Variants in SH3D19 observed in about 807,000 individuals in gnomAD.
SH3D19 encodes SH3 domain containing 19.
SH3D19 carries 58 observed loss-of-function variants against 112.1 expected under a neutral mutation model. The ratio of observed to expected loss-of-function variants is 0.52; its 90% CI spans 0.42 to 0.64. The LOEUF is 0.64. Among genes scored for constraint, SH3D19 ranks in the 30% least tolerant of loss-of-function variants. The pLI is 0.00. For missense variants in SH3D19, 1,090 were observed against 1,263.4 expected, an observed-to-expected ratio of 0.86 and a Z score of 2.08; for synonymous variants, 391 against 448.5, an observed-to-expected ratio of 0.87 and a Z score of 1.62.
intron 1 of SH3D19, among the ~76,000 whole-genome samples, chr4:151,246,540 C>T (rs1561397962): frequency 6.6e-6 from 1 of 152,092 alleles, no homozygotes; most frequent in African/African-American, 2.4e-5. Flanking sequence ...AAGCTATCTC[C>T]AGGAAATAGA....
At chr4:151,135,804 C>T (rs79788267) in intron 14 of SH3D19, among the ~76,000 whole-genome samples, 42 of 152,248 alleles carry the variant, frequency 2.8e-4, no homozygotes, top group African/African-American at 1.0e-3. Flanking sequence ...ATTAGCCCTG[C>T]CACACCTACT....
chr4:151,144,002 C>A lies in SH3D19; in HGVS notation c.2131G>T (p.Glu711Ter), dbSNP rs770843403. The A allele has an allele frequency of 6.2e-7, 1 of 1,614,102 alleles. No homozygotes were observed. Among genetic ancestry groups the A allele is most frequent in the Non-Finnish European group, 8.5e-7 (1 of 1,180,010 alleles). ...CCAGTGTCTTCTCCCTTTTGGCACTCCAAGTAATTATTTTCCGTCTGCTTC... is the reference window on the plus strand; with the variant it reads ...CCAGTGTCTTCTCCCTTTTGGCACTACAAGTAATTATTTTCCGTCTGCTTC... Reference protein sequence around the residue: ...MLKQTENNYLECQKGEDTGRV... With the variant: ...MLKQTENNYL The change falls in exon 12 of 20, where the codon GAG (glutamate) becomes TAG (stop). Residue 711 changes from glutamate (E) to a stop codon, truncating the protein, a stop_gained. Transcript: ENST00000604030. LOFTEE classifies it high-confidence loss of function.
intron 7 of SH3D19, 76 bp from the exon 8 acceptor site, chr4:151,165,772 G>C (rs776393993): frequency 1.5e-6 from 2 of 1,311,948 alleles, no homozygotes; most frequent in Non-Finnish European, 2.2e-6. Flanking sequence ...CATAATTTAA[G>C]AGTCATATTT....
intron 1 of SH3D19, among the ~76,000 whole-genome samples, chr4:151,301,524 G>A (rs1169623091): frequency 6.6e-6 from 1 of 152,118 alleles, no homozygotes; most frequent in African/African-American, 2.4e-5. Context: ...ACCGCGCCTG[G>A]CCAGAGATCT....
At chr4:151,296,025 G>C (rs965773305) in intron 1 of SH3D19, among the ~76,000 whole-genome samples, 5 of 118,406 alleles carry the variant, frequency 4.2e-5, no homozygotes, top group African/African-American at 1.4e-4. Context: ...ACAGAGCAAG[G>C]CTCCGTCTCA....
intron 4 of SH3D19, among the ~76,000 whole-genome samples, chr4:151,178,100 G>A (rs1760240785): frequency 6.6e-6 from 1 of 152,136 alleles, no homozygotes; most frequent in Admixed American, 6.6e-5. Flanking sequence ...TTTTTGTAGA[G>A]ACAAGGGCTC....
At chr4:151,155,249 C>A (rs901010308) in intron 9 of SH3D19, among the ~76,000 whole-genome samples, 2 of 152,184 alleles carry the variant, frequency 1.3e-5, no homozygotes, top group African/African-American at 4.8e-5. Context: ...TCCAGTTTAA[C>A]GTTAGTAAGG....
chr4:151,290,569 T>G (rs1328022223), intron 1 of SH3D19, among the ~76,000 whole-genome samples: 1 of 152,180 alleles, frequency 6.6e-6, no homozygotes, highest in Non-Finnish European at 1.5e-5. Flanking sequence ...CAAATGGGTA[T>G]GAGGTTTCTT....
chr4:151,253,879 G>C (rs903908909), intron 1 of SH3D19, among the ~76,000 whole-genome samples: 2 of 152,182 alleles, frequency 1.3e-5, no homozygotes, highest in East Asian at 3.8e-4. Flanking sequence ...TCTAGAAAAC[G>C]GTCCCTGGCG....
chr4:151,236,423 G>A (rs1770050061), intron 1 of SH3D19, among the ~76,000 whole-genome samples: 1 of 152,276 alleles, frequency 6.6e-6, no homozygotes, highest in Non-Finnish European at 1.5e-5. Flanking sequence ...CACCGCGAGG[G>A]CCATTGAGAG....
At chr4:151,240,314 G>A (rs1307330912) in intron 1 of SH3D19, among the ~76,000 whole-genome samples, 3 of 151,730 alleles carry the variant, frequency 2.0e-5, no homozygotes, top group African/African-American at 2.4e-5. Context: ...GGGAGGCTGA[G>A]GCAGGAGGAT....
At chr4:151,203,680 T>G (rs1764712440) in intron 2 of SH3D19, among the ~76,000 whole-genome samples, 1 of 152,240 alleles carries the variant, frequency 6.6e-6, no homozygotes, top group African/African-American at 2.4e-5. Flanking sequence ...AATAATAACT[T>G]TAATCCTAGT....
chr4:151,316,877 C>T (rs1463389473), intron 1 of SH3D19, among the ~76,000 whole-genome samples: 1 of 152,228 alleles, frequency 6.6e-6, no homozygotes, highest in Non-Finnish European at 1.5e-5. Flanking sequence ...GCTATCCAAG[C>T]TTCCTCCTCA....
At chr4:151,207,828 T>C (rs1258704972) in intron 2 of SH3D19, among the ~76,000 whole-genome samples, 1 of 152,166 alleles carries the variant, frequency 6.6e-6, no homozygotes, top group Non-Finnish European at 1.5e-5. Context: ...TTTAGGACAA[T>C]AATAATGCAA....
At chr4:151,144,177 T>C in intron 11 of SH3D19, 127 bp from the exon 12 acceptor site, 1 of 1,285,008 alleles carries the variant, frequency 7.8e-7, no homozygotes, top group Non-Finnish European at 1.1e-6. Context: ...AGGCCAGTAA[T>C]TTTTTTTTTA....
intron 1 of SH3D19, among the ~76,000 whole-genome samples, chr4:151,230,345 A>G (rs1233326830): frequency 6.6e-6 from 1 of 152,228 alleles, no homozygotes. Context: ...TGCTTTGATT[A>G]AAACTAAGAA....
At chr4:151,230,211 CT>C (rs1769503688) in intron 1 of SH3D19, among the ~76,000 whole-genome samples, 2 of 152,218 alleles carry the variant, frequency 1.3e-5, no homozygotes, top group Non-Finnish European at 2.9e-5. Context: ...AAATGGGCCC[CT>C]GTTCTGGCAC....
intron 11 of SH3D19, among the ~76,000 whole-genome samples, chr4:151,145,877 A>G (rs1036483189): frequency 3.9e-5 from 6 of 152,196 alleles, no homozygotes; most frequent in Non-Finnish European, 8.8e-5. Flanking sequence ...CACTTGTTAA[A>G]GGAGGATAAT....
At chr4:151,156,628 A>G in intron 9 of SH3D19, among the ~76,000 whole-genome samples, 1 of 152,236 alleles carries the variant, frequency 6.6e-6, no homozygotes, top group East Asian at 1.9e-4. Flanking sequence ...CCATATGCAG[A>G]CGAATGAAAC....
Sources: gnomAD v4.1 joint callset for allele counts (sites outside exome capture counted in the v4.1 genomes callset) on GRCh38, gnomAD v4.1.1 for gene constraint, MANE v1.5 for transcripts, NCBI Gene and HGNC (gene_info 2026-07-23, HGNC 2026-07-21) for gene names.